Variants in RGL1 observed in about 807,000 individuals in gnomAD.
RGL1 encodes ral guanine nucleotide dissociation stimulator like 1, also known as ral guanine nucleotide dissociation stimulator-like 1.
A neutral mutation model predicts 95.2 loss-of-function variants in RGL1; 24 were observed. The observed-to-expected ratio is 0.25, with a 90% CI of 0.18 to 0.35. RGL1 has a LOEUF of 0.35. Ranked by LOEUF, RGL1 falls within the 10% of genes least tolerant of loss-of-function variation. RGL1 has a pLI of 1.00. For missense variants in RGL1, 715 were observed against 936.3 expected (o/e 0.76, Z 3.08); for synonymous variants, 329 against 344.9 (o/e 0.95, Z 0.51).
chr1:183,751,027 G>A (rs187032159), intron 2 of RGL1, among the ~76,000 whole-genome samples: 2 of 152,354 alleles, frequency 1.3e-5, no homozygotes, highest in Non-Finnish European at 2.9e-5. Flanking sequence ...TCCCAGTTAG[G>A]AGGCATGGGG....
intron 3 of RGL1, among the ~76,000 whole-genome samples, chr1:183,853,296 T>A (rs1179662846): frequency 6.6e-6 from 1 of 151,774 alleles, no homozygotes; most frequent in Non-Finnish European, 1.5e-5. Flanking sequence ...GCCACTGCAA[T>A]CCAGCCTGGG....
chr1:183,736,036 T>G (rs1381865240), intron 1 of RGL1, among the ~76,000 whole-genome samples: 1 of 152,192 alleles, frequency 6.6e-6, no homozygotes, highest in Non-Finnish European at 1.5e-5. Context: ...CATGTCCAAA[T>G]AGCAGCTTTA....
chr1:183,880,713 C>T lies in RGL1; in HGVS notation c.523C>T (p.Leu175Phe). Residue 175 changes from leucine to phenylalanine, a missense_variant, in exon 5 of 18, where the codon CTC becomes TTC. Physicochemically the swap from Leu to Phe is conservative, Grantham distance 22. Transcript: ENST00000360851. Reference protein sequence around the residue: ...FPCLQKLLDYLTRMMPGSDPE... With the variant: ...FPCLQKLLDYFTRMMPGSDPE... ...TTGCTTACAGAAACTGCTGGATTAT[C>T]TCACACGGATGATGCCGGGCTCTGA... The T allele has an allele frequency of 6.2e-7, 1 of 1,613,956 alleles. No individual in the cohort carries two copies. Among genetic ancestry groups the T allele is most frequent in the Non-Finnish European group, 8.5e-7 (1 of 1,179,860 alleles).
chr1:183,685,971 A>G (rs1653554696), intron 1 of RGL1, among the ~76,000 whole-genome samples: 1 of 152,212 alleles, frequency 6.6e-6, no homozygotes, highest in Admixed American at 6.5e-5. Flanking sequence ...TATTCAATTC[A>G]TATTTTGCTT....
rs1298047208 is a variant in RGL1 at position 183,766,404 on chromosome 1, C to T, written c.132+24115C>T. ...TTAATATGAATAATGGTAAACACAG[C>T]TAAAGTAATTTGAGAGAAACTCCAG... On this transcript the variant is annotated intron_variant, in intron 2 of 18. Coordinates refer to the RGL1 transcript ENST00000304685. Among the ~76,000 whole-genome samples the T allele has an allele frequency of 4.6e-5, 7 of 152,056 alleles. No individual in the cohort carries two copies. In the South Asian group the frequency reaches 1.5e-3, roughly 32 times the overall value.
At chr1:183,875,820 A>G (rs1015614598) in intron 4 of RGL1, among the ~76,000 whole-genome samples, 3 of 146,634 alleles carry the variant, frequency 2.0e-5, no homozygotes, top group African/African-American at 7.6e-5. Flanking sequence ...CGAAGATTGC[A>G]GTGAGCCGAG....
intron 2 of RGL1, among the ~76,000 whole-genome samples, chr1:183,838,236 A>G (rs1020736358): frequency 3.3e-5 from 5 of 152,234 alleles, no homozygotes; most frequent in Admixed American, 6.5e-5. Flanking sequence ...GATTTGTGTT[A>G]GAGAAGATAG....
intron 14 of RGL1, among the ~76,000 whole-genome samples, chr1:183,911,065 C>T (rs576288847): frequency 3.3e-5 from 5 of 152,274 alleles, no homozygotes; most frequent in East Asian, 1.9e-4. Context: ...TTTTGTATCA[C>T]GAGTTTATCT....
intron 1 of RGL1, among the ~76,000 whole-genome samples, chr1:183,727,561 C>G (rs746142897): frequency 6.6e-6 from 1 of 152,128 alleles, no homozygotes; most frequent in Non-Finnish European, 1.5e-5. Flanking sequence ...GATGGTCACT[C>G]TCTCCACTTT....
intron 1 of RGL1, among the ~76,000 whole-genome samples, chr1:183,660,285 C>T (rs1430955842): frequency 6.6e-6 from 1 of 151,918 alleles, no homozygotes; most frequent in Non-Finnish European, 1.5e-5. Flanking sequence ...GAGTCAAGAC[C>T]CATCAGTGTG....
At chr1:183,897,620 A>T (rs1667777574) in intron 9 of RGL1, among the ~76,000 whole-genome samples, 188 bp from the exon 10 acceptor site, 1 of 152,176 alleles carries the variant, frequency 6.6e-6, no homozygotes, top group Non-Finnish European at 1.5e-5. Context: ...TAAATAGGCA[A>T]CTTGCAACAA....
At chr1:183,750,870 G>A (rs371382275) in intron 2 of RGL1, among the ~76,000 whole-genome samples, 1 of 152,202 alleles carries the variant, frequency 6.6e-6, no homozygotes, top group Non-Finnish European at 1.5e-5. Context: ...GACTCTGTTT[G>A]TCTGGGTATC....
chr1:183,847,585 C>T lies in RGL1; in HGVS notation c.158C>T (p.Pro53Leu), dbSNP rs1305961505. 1 of 1,613,916 alleles carries T rather than the reference C, an allele frequency of 6.2e-7. No individual in the cohort carries two copies. The highest frequency in any genetic ancestry group is 1.3e-5 in the African/African-American group (1 of 74,918). Residue 53 changes from proline (P) to leucine (L), a missense_variant, in exon 3 of 18, where the codon CCT becomes CTT. By Grantham distance (98) the Pro-to-Leu change is moderately conservative (BLOSUM62 -3). Around this residue, in one of 3 missense-constraint regions of RGL1, gnomAD observed 381 missense variants for 484.8 expected, o/e 0.79. Transcript: ENST00000360851. ...ATACAGGTTGAAGGGGACCAGCTGCCTCCAGGACACACAGTCAGTCAATAT... is the reference window on the plus strand; with the variant it reads ...ATACAGGTTGAAGGGGACCAGCTGCTTCCAGGACACACAGTCAGTCAATAT... Reference protein sequence around the residue: ...RWLGVEGDQLPPGHTVSQYET... With the variant: ...RWLGVEGDQLLPGHTVSQYET...
At chr1:183,877,506 C>A (rs1013864273) in intron 4 of RGL1, among the ~76,000 whole-genome samples, 5 of 152,178 alleles carry the variant, frequency 3.3e-5, no homozygotes, top group African/African-American at 1.2e-4. Flanking sequence ...CTACTGTGAG[C>A]CTTGGGCATG....
At chr1:183,638,234 T>C (rs1483269830) in intron 1 of RGL1, among the ~76,000 whole-genome samples, 1 of 152,212 alleles carries the variant, frequency 6.6e-6, no homozygotes, top group Non-Finnish European at 1.5e-5. Flanking sequence ...GGTATAATTA[T>C]TTTGATTGCT....
At chr1:183,778,455 A>G (rs1327255751) in intron 2 of RGL1, among the ~76,000 whole-genome samples, 1 of 152,236 alleles carries the variant, frequency 6.6e-6, no homozygotes, top group Admixed American at 6.5e-5. Flanking sequence ...GGAAAACTGT[A>G]TACTATGTAA....
intron 6 of RGL1, among the ~76,000 whole-genome samples, chr1:183,884,318 G>A (rs781222775): frequency 1.6e-4 from 24 of 152,212 alleles, no homozygotes; most frequent in Non-Finnish European, 3.1e-4. Context: ...ACATGTGATT[G>A]TATCTGGCCC....
intron 3 of RGL1, among the ~76,000 whole-genome samples, chr1:183,853,152 A>G (rs1664930154): frequency 6.6e-6 from 1 of 152,090 alleles, no homozygotes; most frequent in South Asian, 2.1e-4. Context: ...CCTGGCCAAC[A>G]AGGCAAAACC....
intron 2 of RGL1, among the ~76,000 whole-genome samples, chr1:183,832,340 T>C (rs1663318235): frequency 6.6e-6 from 1 of 152,208 alleles, no homozygotes; most frequent in African/African-American, 2.4e-5. Context: ...AATTTCCTTA[T>C]GTATGTGTTA....
Sources: allele counts gnomAD v4.1 joint callset (sites outside exome capture counted in the v4.1 genomes callset), GRCh38; gene constraint gnomAD v4.1.1; regional missense constraint gnomAD v4.1.1; transcripts MANE v1.5; gene names NCBI Gene and HGNC (gene_info 2026-07-23, HGNC 2026-07-21).